Variants in ARHGEF3 observed in about 807,000 individuals in gnomAD.
ARHGEF3 encodes 59.8 kDA protein.
Under a neutral mutation model 63.2 loss-of-function variants are expected in ARHGEF3, and 28 were observed. That is an observed-to-expected ratio of 0.44 (90% CI 0.33 to 0.61). The LOEUF (loss-of-function observed/expected upper bound fraction) is 0.61. Among genes scored for constraint, ARHGEF3 ranks in the 20% least tolerant of loss-of-function variants. The probability of loss-of-function intolerance (pLI) is 0.03; values close to 1 mark genes in which losing one functional copy is unlikely to be tolerated. For synonymous variants in ARHGEF3, 266 were observed against 254.2 expected (o/e 1.05, Z -0.44); for missense variants, 533 against 659.3 (o/e 0.81, Z 2.10).
At chr3:56,730,093 C>T (rs1189026486) in intron 9 of ARHGEF3, among the ~76,000 whole-genome samples, 4 of 152,130 alleles carry the variant, frequency 2.6e-5, no homozygotes, top group African/African-American at 7.2e-5. Flanking sequence ...ATCCCCAGGC[C>T]CTTTTTTAGA....
chr3:56,955,265 C>A (rs548576804), intron 3 of ARHGEF3, among the ~76,000 whole-genome samples: 1 of 151,042 alleles, frequency 6.6e-6, no homozygotes, highest in Non-Finnish European at 1.5e-5. Context: ...GTGCAACCAT[C>A]GCTCCCTGCA....
intron 2 of ARHGEF3, among the ~76,000 whole-genome samples, chr3:56,974,413 C>A (rs979454270): frequency 1.3e-5 from 2 of 152,162 alleles, no homozygotes; most frequent in African/African-American, 4.8e-5. Flanking sequence ...CCAGTTACTA[C>A]CTCATTTGGC....
intron 2 of ARHGEF3, among the ~76,000 whole-genome samples, chr3:56,992,850 T>G (rs1247847243): frequency 6.6e-6 from 1 of 152,224 alleles, no homozygotes; most frequent in Non-Finnish European, 1.5e-5. Flanking sequence ...TTTATTTTTT[T>G]GGAGATGGAG....
Position 56,901,213 on chromosome 3 carries a change from A to G in ARHGEF3, c.130-18859T>C, listed in dbSNP as rs990540714. Among the ~76,000 whole-genome samples, 79 of 152,310 alleles carry G rather than the reference A, an allele frequency of 5.2e-4. 1 individual carries two copies. Among genetic ancestry groups the G allele is most frequent in the African/African-American group, 1.8e-3 (73 of 41,574 alleles). ...AAAAGAAGGTGATCCACAAATGTGTATTAAATACATGGATAAATGAATAAA... is the reference window on the plus strand; with the variant it reads ...AAAAGAAGGTGATCCACAAATGTGTGTTAAATACATGGATAAATGAATAAA... On this transcript the variant is annotated intron_variant, in intron 3 of 12. Coordinates refer to the ARHGEF3 transcript ENST00000338458.
At chr3:57,069,390 C>CAT (rs1381647945) in intron 1 of ARHGEF3, among the ~76,000 whole-genome samples, 9 of 151,736 alleles carry the variant, frequency 5.9e-5, no homozygotes, top group African/African-American at 2.2e-4. Flanking sequence ...CACACACACA[C>CAT]ACACACACAC....
rs1009448691 is a variant in ARHGEF3, at chr3:56,728,370, T to C, written c.*900A>G. 1 of 152,712 alleles carries C rather than the reference T, an allele frequency of 6.5e-6. No individual in the cohort carries two copies. The highest frequency in any genetic ancestry group is 2.4e-5 in the African/African-American group (1 of 41,466). The allele number at this position is 152,712 out of a possible 1,614,324, so 9.5% of individuals were successfully genotyped here. A position where few individuals can be genotyped will look rare whatever the true frequency, so the allele number is the denominator to read the frequency against. On this transcript the variant is annotated 3_prime_UTR_variant, in exon 10 of 10. Transcript: ENST00000296315. ...CTCTCCTGTGTTTCTATAAACAGTG[T>C]CATCGATAGAGTCATGGTCTCTCTT...
chr3:56,945,142 C>T (rs531854544), intron 3 of ARHGEF3, among the ~76,000 whole-genome samples: 1 of 152,150 alleles, frequency 6.6e-6, no homozygotes, highest in East Asian at 1.9e-4. Context: ...AGGGGTGGAG[C>T]CAAGATGGCT....
chr3:56,883,441 A>G (rs1172204420), intron 3 of ARHGEF3, among the ~76,000 whole-genome samples: 1 of 151,972 alleles, frequency 6.6e-6, no homozygotes, highest in African/African-American at 2.4e-5. Context: ...CTGGGACCAC[A>G]GGAGCACACC....
chr3:56,928,055 G>C (rs938248807), intron 3 of ARHGEF3, among the ~76,000 whole-genome samples: 1 of 152,154 alleles, frequency 6.6e-6, no homozygotes, highest in Admixed American at 6.5e-5. Context: ...CAATTCTGCA[G>C]ACACATGCAG....
intron 1 of ARHGEF3, among the ~76,000 whole-genome samples, chr3:56,790,239 C>A (rs1295510079): frequency 6.6e-6 from 1 of 152,178 alleles, no homozygotes; most frequent in Non-Finnish European, 1.5e-5. Flanking sequence ...CCTTTGGAAC[C>A]TGGGCATAAA....
chr3:57,014,081 C>T (rs1391680572), intron 2 of ARHGEF3, among the ~76,000 whole-genome samples: 5 of 152,112 alleles, frequency 3.3e-5, no homozygotes, highest in Non-Finnish European at 7.3e-5. Flanking sequence ...AGCGAGACCA[C>T]GAACCCGCCA....
chr3:56,828,841 TAA>T (rs2038829203), intron 4 of ARHGEF3, among the ~76,000 whole-genome samples: 1 of 152,168 alleles, frequency 6.6e-6, no homozygotes, highest in Non-Finnish European at 1.5e-5. Flanking sequence ...ATAGAAAAGT[TAA>T]AGAGATCCCT....
At chr3:57,051,298 A>C (rs1477657176) in intron 1 of ARHGEF3, among the ~76,000 whole-genome samples, 1 of 150,786 alleles carries the variant, frequency 6.6e-6, no homozygotes. Context: ...GACCAGCCTG[A>C]CCAACATGGA....
In ARHGEF3 at chr3:56,775,777, T is replaced by TAC. The variant is rs368145142; in HGVS notation, c.97-1963_97-1962dup. On this transcript the variant is annotated intron_variant, in intron 1 of 9. Transcript: ENST00000296315. ...AGAGCTGCACCACTAGCGTACTGAA[T>TAC]ACACACACACACACACGCGCAAGCA... is the stretch of plus-strand genomic sequence containing the variant. 2.1e-4 allele frequency: 100 copies of TAC among 470,284 alleles called. 1 individual carries two copies. The highest frequency in any genetic ancestry group is 1.7e-3 in the South Asian group (19 of 10,868). The allele number at this position is 470,284 out of a possible 1,614,324, so 29.1% of individuals were successfully genotyped here.
At chr3:56,832,331 A>G (rs2038958502) in intron 4 of ARHGEF3, among the ~76,000 whole-genome samples, 1 of 152,256 alleles carries the variant, frequency 6.6e-6, no homozygotes, top group South Asian at 2.1e-4. Flanking sequence ...AGGGCTTTAA[A>G]AAATATATGT....
intron 2 of ARHGEF3, chr3:56,975,824 A>T (rs1255272494): frequency 5.4e-6 from 2 of 369,466 alleles, no homozygotes; most frequent in East Asian, 8.7e-5. Flanking sequence ...AACAGGACTT[A>T]AAAAAAAATA....
At chr3:57,041,423 T>C (rs1220497457) in intron 1 of ARHGEF3, among the ~76,000 whole-genome samples, 5 of 152,232 alleles carry the variant, frequency 3.3e-5, no homozygotes. Flanking sequence ...ACACACCATC[T>C]GATTCCAGAG....
exon 2 of ARHGEF3, chr3:57,035,125 G>T: frequency 6.5e-7 from 1 of 1,548,086 alleles, no homozygotes; most frequent in African/African-American, 1.4e-5. Flanking sequence ...CAGCTGCATT[G>T]ATTCATTGCT....
chr3:56,964,081 G>A (rs1417036022), intron 2 of ARHGEF3, among the ~76,000 whole-genome samples: 1 of 152,180 alleles, frequency 6.6e-6, no homozygotes, highest in African/African-American at 2.4e-5. Flanking sequence ...GCTGCATGCG[G>A]TGGCTCACGC....
Sources: allele counts gnomAD v4.1 joint callset (sites outside exome capture counted in the v4.1 genomes callset), GRCh38; gene constraint gnomAD v4.1.1; transcripts MANE v1.5; gene names NCBI Gene and HGNC (gene_info 2026-07-23, HGNC 2026-07-21).